Variants in FBXL13 observed in about 807,000 individuals in gnomAD.
The protein encoded by FBXL13 is F-box and leucine-rich repeat protein 13.
Under a neutral mutation model 83.6 loss-of-function variants are expected in FBXL13, and 67 were observed. That is an observed-to-expected ratio of 0.80 (90% CI 0.66 to 0.98). The LOEUF is 0.98. Among genes scored for constraint, FBXL13 ranks in the 50% least tolerant of loss-of-function variants. The pLI, the probability that FBXL13 is intolerant of heterozygous loss-of-function variation, is 0.00. For missense variants in FBXL13, 822 were observed against 866.5 expected, an observed-to-expected ratio of 0.95 and a Z score of 0.64; for synonymous variants, 272 against 299.5, an observed-to-expected ratio of 0.91 and a Z score of 0.95.
At position 103,074,161 on chromosome 7, in the gene FBXL13, A is replaced by C. The variant is rs1396725184; in HGVS notation, c.-105+85T>G. 5 of 893,978 alleles carry C rather than the reference A, an allele frequency of 5.6e-6. No homozygotes were observed. The East Asian group carries it at 5.7e-4, about 102-fold the overall frequency. 55.4% of individuals were successfully genotyped at this position (893,978 alleles called of 1,614,324 possible). A position where few individuals can be genotyped will look rare whatever the true frequency, so the allele number is the denominator to read the frequency against. ...CCTTCACAAAGGGCTGACTACACTGACCAAAGGTCTCAGCTTCCACTCTTC... is the reference window on the plus strand; with the variant it reads ...CCTTCACAAAGGGCTGACTACACTGCCCAAAGGTCTCAGCTTCCACTCTTC... On this transcript the variant is annotated intron_variant, in intron 1 of 19. Transcript: ENST00000313221.
intron 11 of FBXL13, among the ~76,000 whole-genome samples, chr7:102,899,233 C>T (rs1020748368): frequency 1.3e-5 from 2 of 152,146 alleles, no homozygotes; most frequent in Admixed American, 1.3e-4. Context: ...CTTTTAAACC[C>T]CAAATGAAAG....
At chr7:102,934,780 C>T (rs1277945183) in intron 8 of FBXL13, 4 of 1,104,380 alleles carry the variant, frequency 3.6e-6, no homozygotes, top group Non-Finnish European at 3.9e-6. Flanking sequence ...TCTTGGAATT[C>T]GTGATGTCAC....
chr7:102,992,388 T>A (rs1478086579), intron 6 of FBXL13, among the ~76,000 whole-genome samples: 1 of 152,178 alleles, frequency 6.6e-6, no homozygotes, highest in Admixed American at 6.5e-5. Flanking sequence ...TTAAGCAGCA[T>A]GCCCAGCCAC....
At chr7:102,871,230 C>T (rs1259566769) in intron 16 of FBXL13, among the ~76,000 whole-genome samples, 2 of 152,104 alleles carry the variant, frequency 1.3e-5, no homozygotes, top group Non-Finnish European at 2.9e-5. Context: ...GTAATCATTT[C>T]TCTCCCAATC....
intron 10 of FBXL13, among the ~76,000 whole-genome samples, chr7:102,925,148 C>T (rs192249581): frequency 1.1e-4 from 16 of 152,302 alleles, no homozygotes; most frequent in Admixed American, 8.5e-4. Flanking sequence ...CATGCCAGCA[C>T]TTTGGGAGGC....
At position 103,027,363 on chromosome 7, in the gene FBXL13, T is replaced by A; in HGVS notation, c.327+86A>T. The A allele has an allele frequency of 6.1e-6, 5 of 818,002 alleles. No homozygotes were observed. In the South Asian group the frequency reaches 9.7e-5, roughly 16 times the overall value. 50.7% of individuals were successfully genotyped at this position (818,002 alleles called of 1,614,324 possible). A position where few individuals can be genotyped will look rare whatever the true frequency, so the allele number is the denominator to read the frequency against. ...TAGATAATATTCAGGATTTTAGTAT[T>A]TTCCACACACGGCATTACTATTTGA... On this transcript the variant is annotated intron_variant, in intron 5 of 19. Coordinates refer to ENST00000313221, the Ensembl canonical transcript of FBXL13.
intron 6 of FBXL13, among the ~76,000 whole-genome samples, chr7:102,993,105 T>C (rs1829749959): frequency 6.6e-6 from 1 of 152,242 alleles, no homozygotes; most frequent in Non-Finnish European, 1.5e-5. Flanking sequence ...TGTGGAACCT[T>C]TCCTTATCTG....
At chr7:103,045,237 C>A (rs1796151408) in intron 2 of FBXL13, among the ~76,000 whole-genome samples, 1 of 152,206 alleles carries the variant, frequency 6.6e-6, no homozygotes, top group African/African-American at 2.4e-5. Context: ...TGAAGTATGG[C>A]TGCTGGGATT....
chr7:102,875,373 G>A (rs1022222240), intron 16 of FBXL13, among the ~76,000 whole-genome samples: 8 of 152,062 alleles, frequency 5.3e-5, no homozygotes, highest in Non-Finnish European at 7.4e-5. Flanking sequence ...GGGAGAGGAG[G>A]AAAGGAGAGG....
At chr7:102,939,124 T>C (rs6955064) in intron 8 of FBXL13, among the ~76,000 whole-genome samples, 23,533 of 152,194 alleles carry the variant, frequency 0.15, 1,868 homozygotes, top group Middle Eastern at 0.21. Flanking sequence ...AACAGGCTGC[T>C]TTCTAGAACC....
At chr7:102,995,787 A>ATAAT (rs1363624166) in intron 6 of FBXL13, among the ~76,000 whole-genome samples, 3 of 145,626 alleles carry the variant, frequency 2.1e-5, no homozygotes, top group African/African-American at 8.1e-5. Flanking sequence ...CTCTGTCTAA[A>ATAAT]TAAATAAATA....
Position 103,027,169 on chromosome 7 carries a change from A to G in FBXL13, c.327+280T>C, listed in dbSNP as rs369450213. 7.2e-5 allele frequency among the ~76,000 whole-genome samples: 11 copies of G among 152,084 alleles called. No homozygotes were observed. In the East Asian group the frequency reaches 1.7e-3, roughly 24 times the overall value. On this transcript the variant is annotated intron_variant, in intron 5 of 19. Transcript: ENST00000313221. The stretch of plus-strand genomic sequence containing the variant: ...AAATTAGCTGGGTGTGGTGGCAGAC[A>G]CCTGTAATTCCAGCTACTCAGGAGG...
At chr7:102,979,073 C>G (rs896846854) in intron 6 of FBXL13, among the ~76,000 whole-genome samples, 2 of 152,156 alleles carry the variant, frequency 1.3e-5, no homozygotes, top group Admixed American at 6.5e-5. Flanking sequence ...TACTTTCCAC[C>G]TACTATTGAA....
chr7:102,958,335 A>G (rs1416661076), intron 8 of FBXL13, among the ~76,000 whole-genome samples: 1 of 151,660 alleles, frequency 6.6e-6, no homozygotes, highest in Non-Finnish European at 1.5e-5. Flanking sequence ...GAAATGAACA[A>G]TGAGATCACT....
chr7:102,852,000 T>C (rs1267475283), intron 17 of FBXL13, among the ~76,000 whole-genome samples: 1 of 152,176 alleles, frequency 6.6e-6, no homozygotes, highest in African/African-American at 2.4e-5. Context: ...TCCTAATTGT[T>C]GAGTATCTGG....
intron 11 of FBXL13, among the ~76,000 whole-genome samples, chr7:102,891,024 C>T (rs1811475328): frequency 1.3e-5 from 2 of 152,310 alleles, no homozygotes; most frequent in African/African-American, 4.8e-5. Flanking sequence ...GAGAGAAAAA[C>T]AAAGCTTTCC....
chr7:102,821,476 G>A (rs1387677165), intron 19 of FBXL13, among the ~76,000 whole-genome samples: 1 of 152,172 alleles, frequency 6.6e-6, no homozygotes, highest in Non-Finnish European at 1.5e-5. Context: ...AATTAAGAAA[G>A]TTCCTCTGTG....
At chr7:102,974,247 G>A (rs1474682969) in intron 6 of FBXL13, among the ~76,000 whole-genome samples, 2 of 152,042 alleles carry the variant, frequency 1.3e-5, no homozygotes, top group Admixed American at 1.3e-4. Context: ...AAAATTAGCC[G>A]GGCATGGTGG....
At position 103,024,960 on chromosome 7, in the gene FBXL13, A is replaced by C. The variant is rs576566845; in HGVS notation, c.495+103T>G. On this transcript the variant is annotated intron_variant, in intron 6 of 19. Coordinates refer to ENST00000313221, the Ensembl canonical transcript of FBXL13. ...ACTGCAACCTCTGCCTCCTGGGTTC[A>C]AGCAATTCTCCTGTCTCAGCCTCCC... 6 of 762,464 alleles carry C rather than the reference A, an allele frequency of 7.9e-6. No individual in the cohort carries two copies. In the South Asian group the frequency reaches 1.6e-4, roughly 20 times the overall value. 47.2% of individuals were successfully genotyped at this position (762,464 alleles called of 1,614,324 possible).
Sources: gnomAD v4.1 joint callset for allele counts (sites outside exome capture counted in the v4.1 genomes callset) on GRCh38, gnomAD v4.1.1 for gene constraint, MANE v1.5 for transcripts, NCBI Gene and HGNC (gene_info 2026-07-23, HGNC 2026-07-21) for gene names.